The following STK3 variants were observed in gnomAD, a reference collection of about 807,000 sequenced individuals.
STK3 encodes the protein serine/threonine-protein kinase 3.
STK3 carries 41 observed loss-of-function variants against 58.0 expected under a neutral mutation model. That is an observed-to-expected ratio of 0.71 (90% CI 0.55 to 0.92). The LOEUF (loss-of-function observed/expected upper bound fraction) is 0.92, where lower values mean the gene tolerates loss of function less well. Among genes scored for constraint, STK3 ranks in the 40% least tolerant of loss-of-function variants. The pLI is 0.00. For missense variants in STK3, 479 were observed against 602.7 expected (o/e 0.79, Z 2.15); for synonymous variants, 170 against 191.0 (o/e 0.89, Z 0.91).
At chr8:98,468,515 T>C (rs751479026) in intron 10 of STK3, among the ~76,000 whole-genome samples, 13 of 152,246 alleles carry the variant, frequency 8.5e-5, no homozygotes, top group Non-Finnish European at 1.5e-4. Context: ...AGCTGTCTTG[T>C]GCAAACTTAA....
chr8:98,790,941 G>A (rs780882274), intron 1 of STK3, among the ~76,000 whole-genome samples: 11 of 151,468 alleles, frequency 7.3e-5, no homozygotes, highest in Non-Finnish European at 1.2e-4. Flanking sequence ...CTGAGATCGC[G>A]CCATTGCACT....
the STK3 span, among the ~76,000 whole-genome samples, chr8:98,364,612 G>C: frequency 2.6e-5 from 4 of 152,224 alleles, no homozygotes; most frequent in African/African-American, 7.2e-5. Flanking sequence ...CACTAGCTTA[G>C]TGCCAGGACT....
rs1342728891 is a variant in STK3 at position 98,851,416 on chromosome 8, C to T, written c.110+32231G>A. On this transcript the variant is annotated intron_variant, in intron 3 of 12. Transcript: ENST00000523601. ...GACAGAGGTTGCAGAGTCAGAGGGG[C>T]CTTCAGATATGACCATTCTCTGAGC... is the stretch of plus-strand genomic sequence containing the variant. Among the ~76,000 whole-genome samples, 3 of 152,156 alleles carry T rather than the reference C, an allele frequency of 2.0e-5. No homozygotes were observed. In the East Asian group the frequency reaches 5.8e-4, roughly 29 times the overall value.
intron 3 of STK3, among the ~76,000 whole-genome samples, chr8:98,851,119 T>C (rs375786892): frequency 6.6e-6 from 1 of 152,158 alleles, no homozygotes; most frequent in Non-Finnish European, 1.5e-5. Flanking sequence ...CATTGAGATG[T>C]CACATCTCAA....
intron 6 of STK3, among the ~76,000 whole-genome samples, chr8:98,655,024 C>CA (rs1821357887): frequency 1.3e-5 from 2 of 152,002 alleles, no homozygotes; most frequent in African/African-American, 4.8e-5. Flanking sequence ...CCCGCATTGC[C>CA]AAGTCAATCC....
Position 98,511,549 on chromosome 8 carries a change from C to T in STK3, c.1317+15193G>A, listed in dbSNP as rs986332550. Among the ~76,000 whole-genome samples the T allele has an allele frequency of 7.9e-5, 12 of 152,090 alleles. No individual in the cohort carries two copies. In the South Asian group the frequency reaches 8.3e-4, roughly 11 times the overall value. On this transcript the variant is annotated intron_variant, in intron 10 of 10. Coordinates refer to ENST00000419617, the MANE Select transcript of STK3 (RefSeq NM_006281.4). ...ACATCAATATGAAATGGAGTATGAA[C>T]TGGTATGTTTCCTGAATGCCTTCTC...
At chr8:98,808,439 G>A (rs1834016360) in intron 1 of STK3, among the ~76,000 whole-genome samples, 1 of 152,168 alleles carries the variant, frequency 6.6e-6, no homozygotes. Flanking sequence ...GCAAGTTTGT[G>A]GACAGGTTGT....
intron 6 of STK3, among the ~76,000 whole-genome samples, chr8:98,618,810 G>A (rs371823204): frequency 0.012 from 1,661 of 138,950 alleles, 8 homozygotes; most frequent in Middle Eastern, 0.039. Flanking sequence ...CAAGGAAATA[G>A]AAGAGGATAC....
At chr8:98,837,983 C>T (rs1299212687) in intron 3 of STK3, among the ~76,000 whole-genome samples, 1 of 149,562 alleles carries the variant, frequency 6.7e-6, no homozygotes, top group Non-Finnish European at 1.5e-5. Context: ...AATCCCAGCA[C>T]TTTGGGAGGC....
intron 8 of STK3, among the ~76,000 whole-genome samples, chr8:98,550,851 C>T (rs1808888307): frequency 6.6e-6 from 1 of 152,290 alleles, no homozygotes; most frequent in Admixed American, 6.5e-5. Flanking sequence ...GGTAGTTTCA[C>T]ACCTTCCTCA....
chr8:98,907,105 C>T (rs1209921789), intron 1 of STK3, among the ~76,000 whole-genome samples: 3 of 152,050 alleles, frequency 2.0e-5, no homozygotes, highest in African/African-American at 7.3e-5. Flanking sequence ...CTCCAGTGAG[C>T]CATGATTGTG....
the STK3 span, among the ~76,000 whole-genome samples, chr8:98,347,358 C>CA: frequency 6.6e-6 from 1 of 151,346 alleles, no homozygotes; most frequent in Non-Finnish European, 1.5e-5. Flanking sequence ...ACTAAAAATA[C>CA]AAAAAAATTA....
intron 4 of STK3, chr8:98,721,021 G>C: frequency 1.2e-6 from 1 of 863,930 alleles, no homozygotes; most frequent in Non-Finnish European, 1.4e-6. Context: ...TGGTATGCCA[G>C]CCAAACAAAA....
At chr8:98,622,165 T>C (rs920087027) in intron 6 of STK3, among the ~76,000 whole-genome samples, 11 of 151,222 alleles carry the variant, frequency 7.3e-5, no homozygotes, top group East Asian at 1.9e-4. Context: ...TTCCCAGCTA[T>C]TCGTGAGGCA....
At chr8:98,568,066 T>TAGAC (rs1812641627) in intron 8 of STK3, among the ~76,000 whole-genome samples, 1 of 59,230 alleles carries the variant, frequency 1.7e-5, no homozygotes, top group South Asian at 5.1e-4. Flanking sequence ...AGATAGATGA[T>TAGAC]AGATAGATAG....
intron 8 of STK3, among the ~76,000 whole-genome samples, chr8:98,566,657 C>T (rs1219566125): frequency 6.6e-6 from 1 of 152,110 alleles, no homozygotes; most frequent in Non-Finnish European, 1.5e-5. Flanking sequence ...TCATTATTTG[C>T]TCCACCACTG....
intron 1 of STK3, among the ~76,000 whole-genome samples, chr8:98,447,020 A>G (rs1177321096): frequency 6.6e-6 from 1 of 152,164 alleles, no homozygotes; most frequent in Non-Finnish European, 1.5e-5. Context: ...TCTTGCTTAT[A>G]AGGGGGAGCT....
chr8:98,497,231 C>T (rs1037141772), intron 10 of STK3, among the ~76,000 whole-genome samples: 5 of 152,050 alleles, frequency 3.3e-5, no homozygotes, highest in Admixed American at 6.6e-5. Flanking sequence ...GGTGTTGGAA[C>T]AACTGAATAT....
At chr8:98,667,040 A>G (rs1822420010) in intron 6 of STK3, among the ~76,000 whole-genome samples, 1 of 152,192 alleles carries the variant, frequency 6.6e-6, no homozygotes. Flanking sequence ...GCTTTCCAAA[A>G]CAACTGAGTC....
Sources: gnomAD v4.1 joint callset for allele counts (sites outside exome capture counted in the v4.1 genomes callset) on GRCh38, gnomAD v4.1.1 for gene constraint, MANE v1.5 for transcripts, NCBI Gene and HGNC (gene_info 2026-07-23, HGNC 2026-07-21) for gene names.